Variants in IDE observed in about 807,000 individuals in gnomAD.
The protein encoded by IDE is insulin degrading enzyme.
In IDE, 58 loss-of-function variants were observed where a neutral mutation model predicts 133.2. The ratio of observed to expected loss-of-function variants is 0.44; its 90% CI spans 0.35 to 0.54. IDE has a LOEUF of 0.54. IDE is among the 20% of genes least tolerant of loss of function. The pLI is 0.00. For missense variants in IDE, 981 were observed against 1,234.0 expected (o/e 0.79, Z 3.07); for synonymous variants, 396 against 421.3 (o/e 0.94, Z 0.73).
chr10:92,515,692 G>A (rs1848881874), intron 4 of IDE, among the ~76,000 whole-genome samples: 1 of 149,724 alleles, frequency 6.7e-6, no homozygotes, highest in East Asian at 2.0e-4. Context: ...CTCTCTAGTA[G>A]CTGGATTACA....
At chr10:92,565,866 G>C (rs147003224) in intron 1 of IDE, among the ~76,000 whole-genome samples, 2 of 152,216 alleles carry the variant, frequency 1.3e-5, no homozygotes, top group African/African-American at 2.4e-5. Flanking sequence ...GCTACCTCTA[G>C]GAAGAAGACA....
At chr10:92,532,074 G>A (rs1373575211) in intron 3 of IDE, among the ~76,000 whole-genome samples, 157 bp from the exon 4 acceptor site, 1 of 152,074 alleles carries the variant, frequency 6.6e-6, no homozygotes, top group East Asian at 1.9e-4. Flanking sequence ...TATAAAATAA[G>A]TGCTATGTAA....
At chr10:92,457,309 T>C (rs953149641) in intron 22 of IDE, among the ~76,000 whole-genome samples, 2 of 152,212 alleles carry the variant, frequency 1.3e-5, no homozygotes, top group Non-Finnish European at 2.9e-5. Context: ...AGTCCTGCGT[T>C]ATATCAGGCA....
In IDE at chr10:92,511,232, G is replaced by C. The variant is rs1044472871; in HGVS notation, c.785-1070C>G. Among the ~76,000 whole-genome samples, 7 of 151,626 alleles carry C rather than the reference G, an allele frequency of 4.6e-5. No individual in the cohort carries two copies. The East Asian group carries it at 7.8e-4, about 17-fold the overall frequency. ...TTCTCATGTCTCAGCCTCCCCAGTA[G>C]CTGGGATTACAGGCGTGTGCCACCA... On this transcript the variant is annotated intron_variant, in intron 5 of 24. Coordinates refer to ENST00000265986, the MANE Select transcript of IDE (RefSeq NM_004969.4).
rs537573729 is a variant in IDE at position 92,465,917 on chromosome 10, C to T, written c.2321-74G>A. 32 of 1,200,590 alleles carry T rather than the reference C, an allele frequency of 2.7e-5. No individual in the cohort carries two copies. In the East Asian group the frequency reaches 3.3e-4, roughly 12 times the overall value. 74.4% of individuals were successfully genotyped at this position (1,200,590 alleles called of 1,614,324 possible). On this transcript the variant is annotated intron_variant, in intron 19 of 24. Transcript: ENST00000265986. ...TTTAATAAAGTCAATGCTATGTCTG[C>T]CCACACTTACAGATGATAATTTAGA... is the stretch of plus-strand genomic sequence containing the variant.
intron 11 of IDE, 147 bp from the exon 12 acceptor site, chr10:92,490,742 A>G: frequency 1.6e-6 from 1 of 606,718 alleles, no homozygotes; most frequent in Non-Finnish European, 2.9e-6. Context: ...GCTTAGTCCA[A>G]ACAAGCAATA....
chr10:92,483,847 G>A (rs908355603), intron 13 of IDE, among the ~76,000 whole-genome samples: 2 of 152,070 alleles, frequency 1.3e-5, no homozygotes, highest in African/African-American at 2.4e-5. Flanking sequence ...AAGACACCGC[G>A]GCTTGCATCC....
intron 4 of IDE, among the ~76,000 whole-genome samples, chr10:92,531,542 C>T (rs903550782): frequency 3.3e-5 from 5 of 152,116 alleles, no homozygotes; most frequent in Non-Finnish European, 7.4e-5. Flanking sequence ...GCTCCTTAAA[C>T]GTTTAGAACC....
intron 1 of IDE, among the ~76,000 whole-genome samples, chr10:92,540,463 G>T (rs1397796248): frequency 6.6e-6 from 1 of 152,066 alleles, no homozygotes; most frequent in Non-Finnish European, 1.5e-5. Context: ...CAGCAAGAAG[G>T]GCAGTGTTAA....
At chr10:92,568,384 A>G (rs943143911) in intron 1 of IDE, among the ~76,000 whole-genome samples, 1 of 152,282 alleles carries the variant, frequency 6.6e-6, no homozygotes, top group Non-Finnish European at 1.5e-5. Context: ...AAATGAAAAA[A>G]AGTAACTCAG....
At chr10:92,562,089 C>G (rs561005137) in intron 1 of IDE, among the ~76,000 whole-genome samples, 1 of 152,166 alleles carries the variant, frequency 6.6e-6, no homozygotes, top group Non-Finnish European at 1.5e-5. Context: ...TGCTGCCAGG[C>G]AGGAATGTGG....
At chr10:92,533,660 C>G (rs1850065713) in intron 3 of IDE, among the ~76,000 whole-genome samples, 1 of 131,724 alleles carries the variant, frequency 7.6e-6, no homozygotes, top group South Asian at 2.5e-4. Context: ...AATAATGAAT[C>G]AAATCACTGA....
chr10:92,452,580 C>T lies in IDE; in HGVS notation c.*1864G>A, dbSNP rs1564582018. 2 of 152,212 alleles carry T rather than the reference C, an allele frequency of 1.3e-5. No individual in the cohort carries two copies. Among genetic ancestry groups the T allele is most frequent in the African/African-American group, 2.4e-5 (1 of 41,458 alleles). The allele number at this position is 152,212 out of a possible 1,614,324, so 9.4% of individuals were successfully genotyped here. On this transcript the variant is annotated 3_prime_UTR_variant, in exon 25 of 25. Coordinates refer to ENST00000265986, the MANE Select transcript of IDE (RefSeq NM_004969.4). ...ACAATTGCAGGTTCATGGAAGACTA[C>T]ATGAGATTGCTCTCAGATCTCTTCA... is the stretch of plus-strand genomic sequence containing the variant.
chr10:92,549,223 C>T (rs1049102074), intron 1 of IDE, among the ~76,000 whole-genome samples: 2 of 151,566 alleles, frequency 1.3e-5, no homozygotes, highest in South Asian at 4.2e-4. Context: ...TGCCACTGCA[C>T]TCCAGCCTGG....
intron 1 of IDE, among the ~76,000 whole-genome samples, chr10:92,565,644 T>C (rs1843502092): frequency 1.3e-5 from 2 of 152,154 alleles, no homozygotes; most frequent in African/African-American, 4.8e-5. Flanking sequence ...TTTTCCTATA[T>C]CCATCCATGT....
intron 12 of IDE, among the ~76,000 whole-genome samples, chr10:92,489,457 G>C (rs1000888746): frequency 2.0e-5 from 3 of 152,190 alleles, no homozygotes; most frequent in Admixed American, 1.3e-4. Context: ...GGCTGAGCTA[G>C]GTGGAGGTTG....
In IDE at chr10:92,504,840, C is replaced by G; in HGVS notation, c.1384G>C (p.Asp462His). 6.3e-7 allele frequency: 1 copy of G among 1,597,912 alleles called. No individual in the cohort carries two copies. The highest frequency in any genetic ancestry group is 1.3e-5 in the African/African-American group (1 of 74,228). Reference protein sequence around the residue: ...AEYLLEEFRPDLIEMVLDKLR... With the variant: ...AEYLLEEFRPHLIEMVLDKLR... ...TTATCGAGAACCATCTCTATTAAGTCAGGTCTAAATTCTTCCAGTAAATAT... is the reference window on the plus strand; with the variant it reads ...TTATCGAGAACCATCTCTATTAAGTGAGGTCTAAATTCTTCCAGTAAATAT... The change falls in exon 11 of 25, where the codon GAC (aspartate) becomes CAC (histidine). Residue 462 changes from aspartate (D) to histidine (H), a missense_variant. Transcript: ENST00000265986.
At chr10:92,551,090 C>T (rs1237666540) in intron 1 of IDE, among the ~76,000 whole-genome samples, 2 of 152,182 alleles carry the variant, frequency 1.3e-5, no homozygotes, top group Non-Finnish European at 2.9e-5. Context: ...AAGACTCAAA[C>T]AGATATTTGT....
chr10:92,568,950 GT>G (rs550580732), intron 1 of IDE, among the ~76,000 whole-genome samples: 100 of 151,940 alleles, frequency 6.6e-4, no homozygotes, highest in Non-Finnish European at 1.3e-3. Flanking sequence ...GTACACAGGT[GT>G]TTTTTTCTTC....
Sources: gnomAD v4.1 joint callset for allele counts (sites outside exome capture counted in the v4.1 genomes callset) on GRCh38, gnomAD v4.1.1 for gene constraint, MANE v1.5 for transcripts, NCBI Gene and HGNC (gene_info 2026-07-23, HGNC 2026-07-21) for gene names.